Variants in ENPP3 observed in about 807,000 individuals in gnomAD.
The protein encoded by ENPP3 is ectonucleotide pyrophosphatase/phosphodiesterase family member 3.
Under a neutral mutation model 117.8 loss-of-function variants are expected in ENPP3, and 104 were observed. The observed-to-expected ratio is 0.88, with a 90% CI of 0.75 to 1.04. The LOEUF (loss-of-function observed/expected upper bound fraction) is 1.04, where lower values mean the gene tolerates loss of function less well. Ranked by LOEUF, ENPP3 falls within the 50% of genes least tolerant of loss-of-function variation. The pLI is 0.00. For missense variants in ENPP3, 1,026 were observed against 1,051.9 expected (o/e 0.98, Z 0.34); for synonymous variants, 380 against 349.9 (o/e 1.09, Z -0.96).
At chr6:131,677,811 C>A in intron 10 of ENPP3, 57 bp from the exon 11 acceptor site, 1 of 1,141,770 alleles carries the variant, frequency 8.8e-7, no homozygotes, top group Non-Finnish European at 1.3e-6. Flanking sequence ...TCCCCCAATC[C>A]AGCCTGTATG....
rs368382159 is a variant in ENPP3 at position 131,740,411 on chromosome 6, G to A, written c.2457+31G>A. 40 of 1,465,006 alleles carry A rather than the reference G, an allele frequency of 2.7e-5. No individual in the cohort carries two copies. In the African/African-American group the frequency reaches 3.2e-4, roughly 12 times the overall value. 90.8% of individuals were successfully genotyped at this position (1,465,006 alleles called of 1,614,324 possible). A position where few individuals can be genotyped will look rare whatever the true frequency, so the allele number is the denominator to read the frequency against. On this transcript the variant is annotated intron_variant, in intron 24 of 24. Transcript: ENST00000357639. ...TATGCTTTGGGAGGGTCCAGGACCCGAGAAAATGAGTCAGAGCTCATTTGG... is the reference window on the plus strand; with the variant it reads ...TATGCTTTGGGAGGGTCCAGGACCCAAGAAAATGAGTCAGAGCTCATTTGG...
At chr6:131,736,607 GCCAAA>G (rs1780403444) in intron 21 of ENPP3, among the ~76,000 whole-genome samples, 1 of 152,128 alleles carries the variant, frequency 6.6e-6, no homozygotes. Context: ...GGGGGACACA[GCCAAA>G]CCATATCAGT....
intron 1 of ENPP3, among the ~76,000 whole-genome samples, chr6:131,639,551 T>C (rs1778000555): frequency 6.6e-6 from 1 of 152,158 alleles, no homozygotes; most frequent in Admixed American, 6.6e-5. Context: ...GTATATATAA[T>C]GAAGTTCAAT....
rs1249553950 is a variant in ENPP3 at position 131,726,107 on chromosome 6, G to A, written c.1860G>A (p.Val620=). ...FGRPRVLQKN[V]DHCLLYHREY... is the part of the protein sequence containing the mutation. ...GGCCTAGGGTACTGCAGAAGAACGT[G>A]GACCACTGTCTCCTTTACCACAGGG... is the stretch of plus-strand genomic sequence containing the variant. Residue 620 remains valine (V), a synonymous_variant, in exon 20 of 25, where the codon GTG becomes GTA. Transcript: ENST00000357639. 1 of 1,612,980 alleles carries A rather than the reference G, an allele frequency of 6.2e-7. No homozygotes were observed.
At chr6:131,662,767 T>C (rs1014291536) in intron 6 of ENPP3, among the ~76,000 whole-genome samples, 1 of 152,152 alleles carries the variant, frequency 6.6e-6, no homozygotes, top group African/African-American at 2.4e-5. Flanking sequence ...AATCTATAGA[T>C]TGTTTTGGGT....
intron 19 of ENPP3, among the ~76,000 whole-genome samples, chr6:131,724,304 C>T (rs907566746): frequency 6.6e-6 from 1 of 150,452 alleles, no homozygotes; most frequent in African/African-American, 2.5e-5. Context: ...AGGAACAAAA[C>T]GAATTCCTTG....
At chr6:131,663,564 T>TA in intron 6 of ENPP3, among the ~76,000 whole-genome samples, 1 of 140,182 alleles carries the variant, frequency 7.1e-6, no homozygotes, top group Middle Eastern at 3.7e-3. Context: ...CACAATGGGG[T>TA]GTGCCAGTAG....
At chr6:131,682,676 A>G (rs80310759) in intron 11 of ENPP3, among the ~76,000 whole-genome samples, 7,937 of 152,202 alleles carry the variant, frequency 0.052, 400 homozygotes, top group African/African-American at 0.13. Context: ...CTATTGTCAC[A>G]TGACCCTCTG....
chr6:131,720,472 G>A, intron 17 of ENPP3, 93 bp downstream of exon 17: 1 of 618,996 alleles, frequency 1.6e-6, no homozygotes, highest in Non-Finnish European at 2.8e-6. Context: ...CCAGAGGCTG[G>A]ATGCTCTGTA....
rs1300171219 is a variant in ENPP3 at position 131,726,082 on chromosome 6, G to T, written c.1835G>T (p.Arg612Met). Reference sequence around the variant, plus strand: ...GTGAAAGTAAATTTGCCATTTGGGAGGCCTAGGGTACTGCAGAAGAACGTG... The same window carrying T: ...GTGAAAGTAAATTTGCCATTTGGGATGCCTAGGGTACTGCAGAAGAACGTG... ...ATVKVNLPFG[R>M]PRVLQKNVDH... The change falls in exon 20 of 25, where the codon AGG becomes ATG. Residue 612 changes from arginine to methionine, a missense_variant. By Grantham distance (91) the Arg-to-Met change is moderately conservative. Transcript: ENST00000357639. The T allele has an allele frequency of 2.5e-6, 4 of 1,612,646 alleles. No homozygotes were observed. In the South Asian group the frequency reaches 4.4e-5, roughly 18 times the overall value.
At chr6:131,721,667 C>T (rs542875295) in intron 17 of ENPP3, among the ~76,000 whole-genome samples, 1 of 151,626 alleles carries the variant, frequency 6.6e-6, no homozygotes, top group Admixed American at 6.6e-5. Context: ...AAGCAAAATT[C>T]ACTAGTTCCA....
At chr6:131,679,286 G>C (rs1221409432) in intron 11 of ENPP3, among the ~76,000 whole-genome samples, 1 of 151,544 alleles carries the variant, frequency 6.6e-6, no homozygotes, top group Non-Finnish European at 1.5e-5. Flanking sequence ...GTAGAGACAG[G>C]GTTTCACCAT....
intron 18 of ENPP3, 59 bp from the exon 19 acceptor site, chr6:131,723,981 A>C: frequency 8.0e-7 from 1 of 1,251,370 alleles, no homozygotes; most frequent in Non-Finnish European, 1.2e-6. Flanking sequence ...TACCCCTTAA[A>C]ACACATATTG....
Position 131,693,497 on chromosome 6 carries a change from T to G in ENPP3, c.1285T>G (p.Cys429Gly), listed in dbSNP as rs752335720. 1.9e-6 allele frequency: 3 copies of G among 1,608,946 alleles called. No individual in the cohort carries two copies. The highest frequency in any genetic ancestry group is 2.5e-6 in the Non-Finnish European group (3 of 1,178,268). The change falls in exon 15 of 25, where the codon TGC becomes GGC. Residue 429 changes from cysteine to glycine, a missense_variant and splice_region_variant. Coordinates refer to ENST00000357639, the MANE Select transcript of ENPP3 (RefSeq NM_005021.5). The stretch of plus-strand genomic sequence containing the variant: ...AAAGAAATATTTACTTGCTTTTCAG[T>G]GCCGAAAACCTGATCAGCATTTCAA... ...NSEEIVRNLS[C>G]RKPDQHFKPY...
chr6:131,743,631 AC>A (rs960427929), intron 24 of ENPP3, among the ~76,000 whole-genome samples: 3 of 151,832 alleles, frequency 2.0e-5, no homozygotes, highest in African/African-American at 7.3e-5. Context: ...GGAGGTCGAG[AC>A]CAGCCTTTTA....
intron 13 of ENPP3, 142 bp from the exon 14 acceptor site, chr6:131,685,734 G>T (rs1380513813): frequency 2.3e-5 from 15 of 654,644 alleles, no homozygotes; most frequent in African/African-American, 1.1e-4. Context: ...ATAATTCTTT[G>T]CTTGAAATAA....
chr6:131,663,590 A>G (rs1371201217), intron 6 of ENPP3, among the ~76,000 whole-genome samples: 1 of 150,112 alleles, frequency 6.7e-6, no homozygotes, highest in African/African-American at 2.5e-5. Context: ...GCTACTCAAG[A>G]GACTGAGGCA....
chr6:131,639,246 AATAT>A (rs143487852), intron 1 of ENPP3, among the ~76,000 whole-genome samples: 1 of 126,278 alleles, frequency 7.9e-6, no homozygotes. Context: ...CTCTTATGCT[AATAT>A]ATATATATAT....
intron 7 of ENPP3, among the ~76,000 whole-genome samples, chr6:131,672,007 A>G (rs955260489): frequency 6.6e-6 from 1 of 152,164 alleles, no homozygotes; most frequent in African/African-American, 2.4e-5. Flanking sequence ...TGACATTTAC[A>G]TTTTAACCCC....
Sources: gnomAD v4.1 joint callset for allele counts (sites outside exome capture counted in the v4.1 genomes callset) on GRCh38, gnomAD v4.1.1 for gene constraint, MANE v1.5 for transcripts, NCBI Gene and HGNC (gene_info 2026-07-23, HGNC 2026-07-21) for gene names.